Variants in CDH8 observed in about 807,000 individuals in gnomAD.
CDH8 encodes the protein cadherin-8.
CDH8 carries 17 observed loss-of-function variants against 68.1 expected under a neutral mutation model. The ratio of observed to expected loss-of-function variants is 0.25; its 90% CI spans 0.17 to 0.37. The LOEUF (loss-of-function observed/expected upper bound fraction) is 0.37. Ranked by LOEUF, CDH8 falls within the 10% of genes least tolerant of loss-of-function variation. The pLI, the probability that CDH8 is intolerant of heterozygous loss-of-function variation, is 1.00. For missense variants in CDH8, 763 were observed against 999.3 expected (o/e 0.76, Z 3.19); for synonymous variants, 372 against 365.1 (o/e 1.02, Z -0.21).
intron 1 of CDH8, among the ~76,000 whole-genome samples, chr16:62,023,387 AT>A (rs1358478273): frequency 6.6e-6 from 1 of 152,154 alleles, no homozygotes; most frequent in African/African-American, 2.4e-5. Flanking sequence ...CTCTGTAATG[AT>A]GGACAAGATA....
intron 10 of CDH8, among the ~76,000 whole-genome samples, chr16:61,686,544 C>G (rs1964111762): frequency 1.3e-5 from 2 of 151,944 alleles, no homozygotes; most frequent in Admixed American, 1.3e-4. Context: ...GTTCAGATCA[C>G]TAGATATTCC....
intron 2 of CDH8, among the ~76,000 whole-genome samples, chr16:61,955,474 G>A (rs1022204989): frequency 6.6e-6 from 1 of 152,114 alleles, no homozygotes; most frequent in African/African-American, 2.4e-5. Flanking sequence ...GAGTCTCTTT[G>A]AGCCTCTGGT....
chr16:61,782,391 A>T (rs1163087874), intron 8 of CDH8, among the ~76,000 whole-genome samples: 1 of 151,472 alleles, frequency 6.6e-6, no homozygotes, highest in Non-Finnish European at 1.5e-5. Context: ...CGGCTTAAAA[A>T]ACGGCGCACC....
intron 2 of CDH8, among the ~76,000 whole-genome samples, chr16:61,983,948 C>T (rs1965582968): frequency 6.7e-6 from 1 of 148,992 alleles, no homozygotes; most frequent in Non-Finnish European, 1.5e-5. Flanking sequence ...GACGGAATCT[C>T]ACTCTGTCAC....
At chr16:61,851,840 C>G (rs1962945042) in intron 4 of CDH8, among the ~76,000 whole-genome samples, 1 of 151,962 alleles carries the variant, frequency 6.6e-6, no homozygotes, top group South Asian at 2.1e-4. Context: ...CTTCCAAGTT[C>G]TTTAGGTCTC....
rs200585090 is a variant in CDH8 at position 61,866,569 on chromosome 16, A to AGT, written c.548-9333_548-9332dup. Among the ~76,000 whole-genome samples, 241 of 147,762 alleles carry AGT rather than the reference A, an allele frequency of 1.6e-3. 1 individual carries two copies. The highest frequency in any genetic ancestry group is 5.2e-3 in the African/African-American group (213 of 41,020). ...AATTGTAGCATACATAGAATTATATAGTGTGTGTGTGTATATATATATACA... is the reference window on the plus strand; with the variant it reads ...AATTGTAGCATACATAGAATTATATAGTGTGTGTGTGTGTATATATATATACA... On this transcript the variant is annotated intron_variant, in intron 3 of 11. Coordinates refer to ENST00000577390, the MANE Select transcript of CDH8 (RefSeq NM_001796.5).
At chr16:61,968,098 G>A (rs1965283670) in intron 2 of CDH8, among the ~76,000 whole-genome samples, 1 of 152,132 alleles carries the variant, frequency 6.6e-6, no homozygotes, top group Non-Finnish European at 1.5e-5. Context: ...AAGCAACCGG[G>A]CTGGGCCTAG....
intron 3 of CDH8, among the ~76,000 whole-genome samples, chr16:61,886,857 G>A (rs1042239487): frequency 2.0e-5 from 3 of 152,166 alleles, no homozygotes; most frequent in Non-Finnish European, 2.9e-5. Context: ...TTGGTGGAAT[G>A]TCTGCCTGTG....
At chr16:61,927,843 T>C (rs1964479331) in intron 2 of CDH8, among the ~76,000 whole-genome samples, 1 of 152,240 alleles carries the variant, frequency 6.6e-6, no homozygotes, top group Non-Finnish European at 1.5e-5. Flanking sequence ...TTGTTGAAGA[T>C]ATTGTTTAAC....
At chr16:61,700,775 G>A (rs527358623) in intron 10 of CDH8, among the ~76,000 whole-genome samples, 55 of 152,224 alleles carry the variant, frequency 3.6e-4, no homozygotes, top group Non-Finnish European at 6.2e-4. Context: ...CTCTTTAATC[G>A]ATAGAAAAGT....
At chr16:61,909,181 C>T (rs1010381528) in intron 2 of CDH8, among the ~76,000 whole-genome samples, 13 of 152,104 alleles carry the variant, frequency 8.5e-5, no homozygotes, top group African/African-American at 3.1e-4. Context: ...TCCTTCCATT[C>T]TGTGTCAGCT....
chr16:61,765,717 C>T (rs1960573485), intron 8 of CDH8, among the ~76,000 whole-genome samples: 1 of 151,852 alleles, frequency 6.6e-6, no homozygotes, highest in African/African-American at 2.4e-5. Flanking sequence ...CAATAATAGA[C>T]CCGTAGAAAT....
intron 8 of CDH8, among the ~76,000 whole-genome samples, chr16:61,760,093 G>C (rs1287093256): frequency 2.6e-5 from 4 of 151,948 alleles, no homozygotes; most frequent in Non-Finnish European, 4.4e-5. Flanking sequence ...CCAGATGTTT[G>C]AGTGAGCCAC....
chr16:61,841,537 G>A (rs1432069828), intron 4 of CDH8, among the ~76,000 whole-genome samples: 2 of 152,238 alleles, frequency 1.3e-5, no homozygotes, highest in East Asian at 3.9e-4. Flanking sequence ...AAGGGGCTGG[G>A]GAGGGAGTGG....
intron 2 of CDH8, among the ~76,000 whole-genome samples, chr16:61,959,774 G>A (rs943252025): frequency 1.3e-5 from 2 of 148,294 alleles, no homozygotes; most frequent in Non-Finnish European, 3.0e-5. Context: ...CACACACACA[G>A]AGACAGGGAG....
intron 2 of CDH8, among the ~76,000 whole-genome samples, chr16:61,906,572 A>G (rs1964066699): frequency 6.6e-6 from 1 of 152,202 alleles, no homozygotes; most frequent in Non-Finnish European, 1.5e-5. Flanking sequence ...ACACCATCCA[A>G]TTAAAAGACA....
intron 7 of CDH8, among the ~76,000 whole-genome samples, chr16:61,798,675 A>C (rs559730507): frequency 1.3e-5 from 2 of 152,300 alleles, no homozygotes; most frequent in South Asian, 4.1e-4. Context: ...ATCACTACTC[A>C]AGTTAGAGAT....
At chr16:61,923,801 TATA>T (rs563299021) in intron 2 of CDH8, among the ~76,000 whole-genome samples, 79 of 147,614 alleles carry the variant, frequency 5.4e-4, no homozygotes, top group African/African-American at 1.2e-3. Context: ...GTGATAAATA[TATA>T]ATATTTAAAT....
chr16:61,900,734 A>G (rs1963955348), intron 3 of CDH8, among the ~76,000 whole-genome samples: 1 of 152,178 alleles, frequency 6.6e-6, no homozygotes, highest in South Asian at 2.1e-4. Context: ...CCACTAGAGC[A>G]ACCTAATATC....
Sources: allele counts gnomAD v4.1 joint callset (sites outside exome capture counted in the v4.1 genomes callset), GRCh38; gene constraint gnomAD v4.1.1; transcripts MANE v1.5; gene names NCBI Gene and HGNC (gene_info 2026-07-23, HGNC 2026-07-21).